The following BCAS2 variants were observed in gnomAD, a reference collection of about 807,000 sequenced individuals.
BCAS2 encodes the protein pre-mRNA-splicing factor SPF27.
BCAS2 carries 34 observed loss-of-function variants against 35.3 expected under a neutral mutation model. That is an observed-to-expected ratio of 0.96 (90% CI 0.73 to 1.28). The LOEUF is 1.28. BCAS2 is among the 50% of genes most tolerant of loss of function. The pLI is 0.00. For missense variants in BCAS2, 221 were observed against 268.1 expected, an observed-to-expected ratio of 0.82 and a Z score of 1.23; for synonymous variants, 75 against 91.6, an observed-to-expected ratio of 0.82 and a Z score of 1.03.
At chr1:114,568,755 C>CTTTTTTTT (rs67319421) in intron 6 of BCAS2, among the ~76,000 whole-genome samples, 1 of 83,230 alleles carries the variant, frequency 1.2e-5, no homozygotes, top group African/African-American at 4.5e-5. Context: ...TCTCTGTATT[C>CTTTTTTTT]TTTTTTTTTT....
rs750947983 is a variant in BCAS2 at position 114,575,666 on chromosome 1, C to T, written c.343G>A (p.Glu115Lys). 1 of 1,613,066 alleles carries T rather than the reference C, an allele frequency of 6.2e-7. No homozygotes were observed. Among genetic ancestry groups the T allele is most frequent in the Admixed American group, 1.7e-5 (1 of 59,944 alleles). Residue 115 changes from glutamate to lysine, a missense_variant, in exon 4 of 7, where the codon GAG becomes AAG. Coordinates refer to ENST00000369541, the MANE Select transcript of BCAS2 (RefSeq NM_005872.3). Reference sequence around the variant, plus strand: ...TTCTCAATTCTAACTGCTTGATGCTCTAACTGGGCCATAGAATTGTTTACA... The same window carrying T: ...TTCTCAATTCTAACTGCTTGATGCTTTAACTGGGCCATAGAATTGTTTACA... The part of the protein sequence containing the change: ...ECVNNSMAQL[E>K]HQAVRIENLE...
Position 114,576,615 on chromosome 1 carries a change from C to T in BCAS2, c.257+73G>A, listed in dbSNP as rs567493354. On this transcript the variant is annotated intron_variant, in intron 3 of 6. Coordinates refer to ENST00000369541, the MANE Select transcript of BCAS2 (RefSeq NM_005872.3). Reference sequence around the variant, plus strand: ...CACTGCCAATATTAGCCAGCAAATACATTCTTCACAAATCTCAGCTCATTA... The same window carrying T: ...CACTGCCAATATTAGCCAGCAAATATATTCTTCACAAATCTCAGCTCATTA... 4 of 1,283,482 alleles carry T rather than the reference C, an allele frequency of 3.1e-6. No individual in the cohort carries two copies. The Admixed American group carries it at 5.8e-5, about 19-fold the overall frequency. 79.5% of individuals were successfully genotyped at this position (1,283,482 alleles called of 1,614,324 possible). A position where few individuals can be genotyped will look rare whatever the true frequency, so the allele number is the denominator to read the frequency against.
At position 114,570,065 on chromosome 1, in the gene BCAS2, T is replaced by C. The variant is rs944420290; in HGVS notation, c.478A>G (p.Ile160Val). The part of the protein sequence containing the change: ...QKELQKLRKH[I>V]QDLNWQRKNM... ...TTTCTCTGCCAGTTTAAATCTTGAA[T>C]ATGTTTTCTGTAAAAAATTATTTAT... The change falls in exon 6 of 7, where the codon ATT becomes GTT. Residue 160 changes from isoleucine to valine, a missense_variant. Physicochemically the swap from Ile to Val is conservative, Grantham distance 29 (BLOSUM62 3). Coordinates refer to ENST00000369541, the MANE Select transcript of BCAS2 (RefSeq NM_005872.3). 3 of 1,608,456 alleles carry C rather than the reference T, an allele frequency of 1.9e-6. No homozygotes were observed. Among genetic ancestry groups the C allele is most frequent in the Non-Finnish European group, 2.6e-6 (3 of 1,175,562 alleles).
Position 114,581,542 on chromosome 1 carries a change from G to C in BCAS2, c.50C>G (p.Pro17Arg). ...VAGEVVVDAL[P>R]YFDQGYEAPG... ...GGCTTCATAACCTTGATCAAAATAC[G>C]GCAGCGCATCCACCACAACCTCTCC... The change falls in exon 1 of 7, where the codon CCG becomes CGG. Residue 17 changes from proline (P) to arginine (R), a missense_variant. Transcript: ENST00000369541. 6.2e-7 allele frequency: 1 copy of C among 1,613,970 alleles called. No individual in the cohort carries two copies. Among genetic ancestry groups the C allele is most frequent in the Non-Finnish European group, 8.5e-7 (1 of 1,180,030 alleles).
At chr1:114,578,862 C>T (rs1162390025) in intron 2 of BCAS2, among the ~76,000 whole-genome samples, 2 of 152,158 alleles carry the variant, frequency 1.3e-5, no homozygotes, top group Non-Finnish European at 2.9e-5. Flanking sequence ...AGTCAATTAG[C>T]CTCTCTAAGC....
At chr1:114,578,210 C>CA (rs151198892) in intron 2 of BCAS2, among the ~76,000 whole-genome samples, 4 of 150,024 alleles carry the variant, frequency 2.7e-5, no homozygotes, top group Non-Finnish European at 4.4e-5. Flanking sequence ...AACAAAAAAA[C>CA]AAAAAAACAA....
intron 4 of BCAS2, 105 bp downstream of exon 4, chr1:114,575,485 G>A: frequency 8.6e-7 from 1 of 1,159,866 alleles, no homozygotes; most frequent in Non-Finnish European, 1.2e-6. Context: ...ATGAGCCACT[G>A]CACCCAGCAC....
intron 3 of BCAS2, among the ~76,000 whole-genome samples, 171 bp from the exon 4 acceptor site, chr1:114,575,922 T>C (rs573932950): frequency 2.0e-5 from 3 of 152,308 alleles, no homozygotes; most frequent in African/African-American, 7.2e-5. Flanking sequence ...AATTTACAAA[T>C]ATGATTTAGC....
chr1:114,574,635 G>A (rs575689131), intron 4 of BCAS2, among the ~76,000 whole-genome samples: 1 of 152,278 alleles, frequency 6.6e-6, no homozygotes, highest in Non-Finnish European at 1.5e-5. Flanking sequence ...TTTAAGCAAC[G>A]CTTGATAACA....
intron 2 of BCAS2, among the ~76,000 whole-genome samples, chr1:114,578,940 C>T (rs1654827864): frequency 6.6e-6 from 1 of 152,122 alleles, no homozygotes; most frequent in Non-Finnish European, 1.5e-5. Context: ...CTGTTATGTG[C>T]ACCAAGTAAG....
At position 114,567,965 on chromosome 1, in the gene BCAS2, T is replaced by G; in HGVS notation, c.*165A>C. On this transcript the variant is annotated 3_prime_UTR_variant, in exon 7 of 7. Coordinates refer to ENST00000369541, the MANE Select transcript of BCAS2 (RefSeq NM_005872.3). ...ACCAAGCTAGACATTTTAATTCTGTTGAGATATACAAATAGAATTACCACA... is the reference window on the plus strand; with the variant it reads ...ACCAAGCTAGACATTTTAATTCTGTGGAGATATACAAATAGAATTACCACA... 71 of 872,988 alleles carry G rather than the reference T, an allele frequency of 8.1e-5. No homozygotes were observed. Among genetic ancestry groups the G allele is most frequent in the Non-Finnish European group, 1.0e-4 (58 of 581,986 alleles). The allele number at this position is 872,988 out of a possible 1,614,324, so 54.1% of individuals were successfully genotyped here.
At chr1:114,576,664 T>C in intron 3 of BCAS2, 24 bp downstream of exon 3, 1 of 1,578,242 alleles carries the variant, frequency 6.3e-7, no homozygotes, top group Non-Finnish European at 8.7e-7. Flanking sequence ...AACTAAATTT[T>C]AATTTCCATT....
chr1:114,573,338 T>C (rs996710206), intron 4 of BCAS2, among the ~76,000 whole-genome samples: 3 of 109,072 alleles, frequency 2.8e-5, no homozygotes. Context: ...TAATGCCCCA[T>C]CTTTTTTTTT....
intron 4 of BCAS2, among the ~76,000 whole-genome samples, chr1:114,572,119 G>A (rs1654661434): frequency 6.6e-6 from 1 of 152,114 alleles, no homozygotes. Flanking sequence ...ATGTGTTCTT[G>A]CTCTAAATCT....
intron 4 of BCAS2, among the ~76,000 whole-genome samples, chr1:114,571,372 AG>A (rs1157491472): frequency 6.6e-6 from 1 of 151,608 alleles, no homozygotes; most frequent in Non-Finnish European, 1.5e-5. Flanking sequence ...TTTTTTGCGG[AG>A]GGGAGGGACA....
At chr1:114,573,707 C>T (rs1237308464) in intron 4 of BCAS2, among the ~76,000 whole-genome samples, 2 of 152,134 alleles carry the variant, frequency 1.3e-5, no homozygotes, top group African/African-American at 2.4e-5. Context: ...TTATTGATGT[C>T]GCTTACATTT....
rs140697208 is a variant in BCAS2 at position 114,570,257 on chromosome 1, A to G, written c.471-185T>C. On this transcript the variant is annotated intron_variant, in intron 5 of 6. Transcript: ENST00000369541. ...ATTACAAGTTTCATAAAACATGCTC[A>G]TTGTGAGAAATCACACACACACACA... Among the ~76,000 whole-genome samples, 394 of 147,538 alleles carry G rather than the reference A, an allele frequency of 2.7e-3. 4 individuals are homozygous for G. The highest frequency in any genetic ancestry group is 9.4e-3 in the African/African-American group (383 of 40,716).
chr1:114,569,507 CT>C (rs79526850), intron 6 of BCAS2, among the ~76,000 whole-genome samples: 556 of 142,340 alleles, frequency 3.9e-3, no homozygotes, highest in Middle Eastern at 0.014. Flanking sequence ...AATTTTTTTC[CT>C]TTTTTTTTTT....
chr1:114,574,655 G>A (rs1317659709), intron 4 of BCAS2, among the ~76,000 whole-genome samples: 2 of 152,214 alleles, frequency 1.3e-5, no homozygotes, highest in African/African-American at 4.8e-5. Context: ...ATTCTATCAA[G>A]TGGTGCTCTG....
Sources: allele counts gnomAD v4.1 joint callset (sites outside exome capture counted in the v4.1 genomes callset), GRCh38; gene constraint gnomAD v4.1.1; transcripts MANE v1.5; gene names NCBI Gene and HGNC (gene_info 2026-07-23, HGNC 2026-07-21).